The following RAB3C variants were observed in gnomAD, a reference collection of about 807,000 sequenced individuals.
RAB3C encodes ras-related protein Rab-3C.
RAB3C carries 17 observed loss-of-function variants against 26.4 expected under a neutral mutation model. The observed-to-expected ratio is 0.64, with a 90% CI of 0.44 to 0.97. RAB3C has a LOEUF of 0.97. Among genes scored for constraint, RAB3C ranks in the 50% least tolerant of loss-of-function variants. RAB3C has a pLI of 0.00. For synonymous variants in RAB3C, 91 were observed against 95.9 expected, an observed-to-expected ratio of 0.95 and a Z score of 0.30; for missense variants, 242 against 281.9, an observed-to-expected ratio of 0.86 and a Z score of 1.01.
chr5:58,827,585 C>G (rs1743514916), intron 4 of RAB3C, among the ~76,000 whole-genome samples: 1 of 152,172 alleles, frequency 6.6e-6, no homozygotes, highest in African/African-American at 2.4e-5. Context: ...CAAACCCTTT[C>G]CATTCAGTAG....
In RAB3C at chr5:58,795,089, A is replaced by G. The variant is rs540916983; in HGVS notation, c.372-29949A>G. On this transcript the variant is annotated intron_variant, in intron 3 of 4. Transcript: ENST00000282878. ...CATGGGGGCGGGTTTTTCCCATGCTATTCTCAGGATAGTGAGTAAGTCTCC... is the reference window on the plus strand; with the variant it reads ...CATGGGGGCGGGTTTTTCCCATGCTGTTCTCAGGATAGTGAGTAAGTCTCC... Among the ~76,000 whole-genome samples, 142 of 152,258 alleles carry G rather than the reference A, an allele frequency of 9.3e-4. 3 individuals are homozygous for G. In the South Asian group the frequency reaches 0.027, roughly 29 times the overall value.
At chr5:58,692,841 C>T (rs2111861761) in intron 2 of RAB3C, among the ~76,000 whole-genome samples, 1 of 152,234 alleles carries the variant, frequency 6.6e-6, no homozygotes, top group Admixed American at 6.5e-5. Flanking sequence ...GGCACGGTGG[C>T]TCACACCTGT....
At chr5:58,725,370 A>C (rs567834097) in intron 2 of RAB3C, among the ~76,000 whole-genome samples, 4 of 151,738 alleles carry the variant, frequency 2.6e-5, no homozygotes, top group African/African-American at 9.7e-5. Flanking sequence ...GTTGTCCTTG[A>C]CCTTTGAGAG....
chr5:58,584,255 A>G (rs1745966943), intron 1 of RAB3C, among the ~76,000 whole-genome samples: 2 of 152,252 alleles, frequency 1.3e-5, no homozygotes, highest in Non-Finnish European at 2.9e-5. Flanking sequence ...GACTTTAAAC[A>G]TATGCTTTGA....
At chr5:58,820,772 G>T (rs1743321921) in intron 3 of RAB3C, among the ~76,000 whole-genome samples, 1 of 152,082 alleles carries the variant, frequency 6.6e-6, no homozygotes, top group African/African-American at 2.4e-5. Context: ...GAAGAGGATG[G>T]ATCTCATATA....
At chr5:58,701,625 C>A (rs1166386727) in intron 2 of RAB3C, among the ~76,000 whole-genome samples, 1 of 152,110 alleles carries the variant, frequency 6.6e-6, no homozygotes, top group African/African-American at 2.4e-5. Context: ...GTCTTCAGGG[C>A]TGTGTTCCTT....
At chr5:58,604,009 T>A (rs994163555) in intron 1 of RAB3C, among the ~76,000 whole-genome samples, 4 of 152,200 alleles carry the variant, frequency 2.6e-5, no homozygotes, top group Non-Finnish European at 4.4e-5. Context: ...ATTCTCTTCA[T>A]GTAGTACTCT....
At chr5:58,582,554 T>A (rs1745921121), upstream of RAB3C, 2 of 227,574 alleles carry the variant, frequency 8.8e-6, no homozygotes, top group Non-Finnish European at 1.5e-5. Context: ...ACTTTCCTTA[T>A]GTGTGTACCG....
intron 2 of RAB3C, among the ~76,000 whole-genome samples, chr5:58,672,827 A>G: frequency 6.6e-6 from 1 of 152,126 alleles, no homozygotes. Context: ...AACATAACCT[A>G]CTTAGTTTCG....
intron 2 of RAB3C, among the ~76,000 whole-genome samples, chr5:58,673,872 G>A (rs576163679): frequency 6.6e-6 from 1 of 152,286 alleles, no homozygotes; most frequent in South Asian, 2.1e-4. Context: ...TGTGACTCCT[G>A]CGGTAAAATG....
intron 2 of RAB3C, among the ~76,000 whole-genome samples, chr5:58,708,821 T>C (rs994052718): frequency 6.6e-6 from 1 of 152,212 alleles, no homozygotes; most frequent in Non-Finnish European, 1.5e-5. Context: ...TTGGTTTATT[T>C]GTGAAGCAGT....
intron 2 of RAB3C, among the ~76,000 whole-genome samples, chr5:58,663,476 G>T (rs1747944914): frequency 6.7e-6 from 1 of 150,092 alleles, no homozygotes; most frequent in African/African-American, 2.5e-5. Context: ...AATTAATTTT[G>T]ATCATCTTAC....
chr5:58,620,953 T>C (rs1746925051), intron 2 of RAB3C, among the ~76,000 whole-genome samples: 1 of 89,608 alleles, frequency 1.1e-5, no homozygotes, highest in Non-Finnish European at 2.3e-5. Context: ...CATTATGCTA[T>C]AATATAAGTG....
Position 58,685,293 on chromosome 5 carries a change from A to C in RAB3C, c.253-40709A>C, listed in dbSNP as rs113774981. ...GTCTAAAATGAATCTATTAGGCTGC[A>C]TTCGTTCTGGAGGTTCCAGGAAGAA... On this transcript the variant is annotated intron_variant, in intron 2 of 4. Coordinates refer to ENST00000282878, the MANE Select transcript of RAB3C (RefSeq NM_138453.4). 9.8e-3 allele frequency among the ~76,000 whole-genome samples: 1,491 copies of C among 152,208 alleles called. 21 individuals carry two copies. The highest frequency in any genetic ancestry group is 0.034 in the African/African-American group (1,418 of 41,516).
chr5:58,747,186 T>C (rs1445480862), intron 3 of RAB3C, among the ~76,000 whole-genome samples: 1 of 152,198 alleles, frequency 6.6e-6, no homozygotes, highest in Non-Finnish European at 1.5e-5. Flanking sequence ...TAGATTATGA[T>C]AATATTTGAA....
chr5:58,841,032 G>T (rs1353249348), intron 4 of RAB3C, among the ~76,000 whole-genome samples: 1 of 152,220 alleles, frequency 6.6e-6, no homozygotes, highest in African/African-American at 2.4e-5. Context: ...CCCACCAGGG[G>T]CAACCTGCAA....
chr5:58,680,696 A>G (rs10060872), intron 2 of RAB3C, among the ~76,000 whole-genome samples: 29,434 of 152,002 alleles, frequency 0.19, 3,140 homozygotes, highest in African/African-American at 0.28. Context: ...TGCATTCCTA[A>G]GCTCATGGCC....
rs907300590 is a variant in RAB3C at position 58,857,477 on chromosome 5, A to G, written c.*6126A>G. 1 of 152,154 alleles carries G rather than the reference A, an allele frequency of 6.6e-6. No homozygotes were observed. Among genetic ancestry groups the G allele is most frequent in the Non-Finnish European group, 1.5e-5 (1 of 68,012 alleles). The allele number at this position is 152,154 out of a possible 1,614,324, so 9.4% of individuals were successfully genotyped here. On this transcript the variant is annotated 3_prime_UTR_variant, in exon 5 of 5. Transcript: ENST00000282878. ...GTGTACATTTTACTTTTAAGCAACT[A>G]ATTTAGATACCTAAGAAAAACTATG...
chr5:58,825,185 A>C, intron 4 of RAB3C, 23 bp downstream of exon 4: 1 of 1,602,366 alleles, frequency 6.2e-7, no homozygotes, highest in Non-Finnish European at 8.5e-7. Context: ...TTAATAAGTT[A>C]AAAAGAAAGA....
Sources: gnomAD v4.1 joint callset for allele counts (sites outside exome capture counted in the v4.1 genomes callset) on GRCh38, gnomAD v4.1.1 for gene constraint, MANE v1.5 for transcripts, NCBI Gene and HGNC (gene_info 2026-07-23, HGNC 2026-07-21) for gene names.